Variants in TRHDE observed in about 807,000 individuals in gnomAD.
TRHDE encodes thyrotropin releasing hormone degrading enzyme, also known as thyrotropin-releasing hormone-degrading ectoenzyme.
A neutral mutation model predicts 125.7 loss-of-function variants in TRHDE; 72 were observed. That is an observed-to-expected ratio of 0.57 (90% CI 0.47 to 0.70). The LOEUF is 0.70. TRHDE is among the 30% of genes least tolerant of loss of function. The probability of loss-of-function intolerance (pLI) is 0.00; values close to 1 mark genes in which losing one functional copy is unlikely to be tolerated. For synonymous variants in TRHDE, 509 were observed against 509.1 expected (o/e 1.00, Z 0.00); for missense variants, 1,110 against 1,327.1 (o/e 0.84, Z 2.54).
chr12:72,281,715 C>T (rs183262247), intron 1 of TRHDE, among the ~76,000 whole-genome samples: 2 of 152,214 alleles, frequency 1.3e-5, no homozygotes, highest in African/African-American at 4.8e-5. Context: ...CATGTCTTAC[C>T]TTTATGAAAA....
At chr12:72,391,342 G>A (rs1872604032) in intron 3 of TRHDE, among the ~76,000 whole-genome samples, 1 of 152,244 alleles carries the variant, frequency 6.6e-6, no homozygotes, top group Non-Finnish European at 1.5e-5. Flanking sequence ...TACACAAGCG[G>A]AGCAAATCCA....
chr12:72,472,204 CT>C (rs1876681925), intron 4 of TRHDE, among the ~76,000 whole-genome samples: 1 of 152,274 alleles, frequency 6.6e-6, no homozygotes, highest in South Asian at 2.1e-4. Flanking sequence ...CTCATCCCCC[CT>C]ACCTCTACAA....
chr12:72,289,257 T>C (rs2139431458), intron 2 of TRHDE, among the ~76,000 whole-genome samples: 1 of 152,268 alleles, frequency 6.6e-6, no homozygotes, highest in Non-Finnish European at 1.5e-5. Flanking sequence ...AGCATGTAAA[T>C]AATATACAGC....
In TRHDE at chr12:72,663,248, G is replaced by A. The variant is rs1008981044; in HGVS notation, c.*53G>A. 1.4e-5 allele frequency: 20 copies of A among 1,426,714 alleles called. No individual in the cohort carries two copies. Among genetic ancestry groups the A allele is most frequent in the South Asian group, 8.9e-5 (6 of 67,540 alleles). 88.4% of individuals were successfully genotyped at this position (1,426,714 alleles called of 1,614,324 possible). On this transcript the variant is annotated 3_prime_UTR_variant, in exon 19 of 19. Coordinates refer to ENST00000261180, the MANE Select transcript of TRHDE (RefSeq NM_013381.3). ...AACTCAGAAGTTTATGAGAAGACAC[G>A]CTTTTTGTGGAATGAGGAAAATGTA...
At chr12:72,099,700 A>T (rs951433449) in intron 1 of TRHDE, among the ~76,000 whole-genome samples, 13 of 152,222 alleles carry the variant, frequency 8.5e-5, no homozygotes, top group African/African-American at 3.1e-4. Context: ...GTTAATATTT[A>T]TGTAGACTTA....
chr12:72,608,648 G>A (rs1872535480), intron 12 of TRHDE, among the ~76,000 whole-genome samples: 1 of 152,114 alleles, frequency 6.6e-6, no homozygotes, highest in African/African-American at 2.4e-5. Context: ...TATTTACAAT[G>A]AGTTCACTAA....
rs1252716168 is a variant in TRHDE, at chr12:72,511,894, G to T, written c.1722+12259G>T. ...TGTATTTAATAAAAATAGGTAGCAG[G>T]TTATTGAATAGAGTAAGGAATAGAT... On this transcript the variant is annotated intron_variant, in intron 6 of 18. Transcript: ENST00000261180. Among the ~76,000 whole-genome samples the T allele has an allele frequency of 3.3e-5, 5 of 152,148 alleles. No homozygotes were observed. In the East Asian group the frequency reaches 9.6e-4, roughly 29 times the overall value.
intron 2 of TRHDE, among the ~76,000 whole-genome samples, chr12:72,207,730 G>A (rs1877698256): frequency 1.3e-5 from 2 of 152,094 alleles, no homozygotes; most frequent in Admixed American, 1.3e-4. Flanking sequence ...TAGGATATCT[G>A]CAGGCCTCAC....
At chr12:72,443,115 C>T (rs535065427) in intron 3 of TRHDE, among the ~76,000 whole-genome samples, 15 of 151,710 alleles carry the variant, frequency 9.9e-5, no homozygotes, top group Admixed American at 9.2e-4. Flanking sequence ...TTCATTTTCC[C>T]GAATCCTATG....
At chr12:72,466,014 A>G (rs976970401) in intron 3 of TRHDE, among the ~76,000 whole-genome samples, 4 of 152,172 alleles carry the variant, frequency 2.6e-5, no homozygotes, top group African/African-American at 4.8e-5. Context: ...CATTTGCTGA[A>G]GAGTCCTTGT....
intron 15 of TRHDE, among the ~76,000 whole-genome samples, chr12:72,649,785 A>G (rs1874431331): frequency 6.6e-6 from 1 of 152,094 alleles, no homozygotes; most frequent in African/African-American, 2.4e-5. Context: ...CTATGTGAAA[A>G]AAAGTCACTA....
chr12:72,317,801 C>G (rs12321379), intron 2 of TRHDE, among the ~76,000 whole-genome samples: 40,171 of 151,896 alleles, frequency 0.26, 5,338 homozygotes, highest in East Asian at 0.35. Context: ...AGGGAACATT[C>G]AACGGATAAC....
At chr12:72,506,254 T>C (rs964312819) in intron 6 of TRHDE, among the ~76,000 whole-genome samples, 4 of 152,104 alleles carry the variant, frequency 2.6e-5, no homozygotes, top group Admixed American at 2.6e-4. Context: ...GAGGCTACAG[T>C]GAGCTATAAT....
At chr12:72,627,571 T>C (rs1024266126) in intron 15 of TRHDE, among the ~76,000 whole-genome samples, 1 of 151,816 alleles carries the variant, frequency 6.6e-6, no homozygotes, top group African/African-American at 2.4e-5. Context: ...TTCTTTAAGG[T>C]TGAAAAATAA....
intron 2 of TRHDE, among the ~76,000 whole-genome samples, chr12:72,248,284 G>A (rs1022915526): frequency 6.6e-6 from 1 of 152,034 alleles, no homozygotes; most frequent in Non-Finnish European, 1.5e-5. Flanking sequence ...TGGGCGTGGT[G>A]GCACATGCCT....
intron 12 of TRHDE, among the ~76,000 whole-genome samples, chr12:72,611,863 T>C (rs980117165): frequency 2.0e-5 from 3 of 152,216 alleles, no homozygotes; most frequent in African/African-American, 4.8e-5. Context: ...TAAAAATCAG[T>C]ATAAAGGCAA....
intron 3 of TRHDE, among the ~76,000 whole-genome samples, chr12:72,433,547 G>T (rs1246382420): frequency 1.3e-5 from 2 of 151,832 alleles, no homozygotes; most frequent in South Asian, 4.2e-4. Context: ...AGGCAATTAG[G>T]AACTCACTAT....
intron 6 of TRHDE, among the ~76,000 whole-genome samples, chr12:72,516,891 T>G (rs1415920799): frequency 6.6e-6 from 1 of 152,172 alleles, no homozygotes; most frequent in African/African-American, 2.4e-5. Context: ...TTTCTGCATC[T>G]ATTGAGATAA....
chr12:72,111,879 AG>A (rs1875323490), intron 2 of TRHDE, among the ~76,000 whole-genome samples: 1 of 152,194 alleles, frequency 6.6e-6, no homozygotes, highest in African/African-American at 2.4e-5. Flanking sequence ...GTGTCTACAC[AG>A]AGTCATTTTA....
Sources: gnomAD v4.1 joint callset for allele counts (sites outside exome capture counted in the v4.1 genomes callset) on GRCh38, gnomAD v4.1.1 for gene constraint, MANE v1.5 for transcripts, NCBI Gene and HGNC (gene_info 2026-07-23, HGNC 2026-07-21) for gene names.